Variants in ZNF676 observed in about 807,000 individuals in gnomAD.
ZNF676 encodes the protein zinc finger protein 676.
A neutral mutation model predicts 6.0 loss-of-function variants in ZNF676; 4 were observed. The ratio of observed to expected loss-of-function variants is 0.67; its 90% CI spans 0.33 to 1.53. The LOEUF is 1.53. Ranked by LOEUF, ZNF676 falls within the 40% of genes most tolerant of loss-of-function variation. ZNF676 has a pLI of 0.06. For synonymous variants in ZNF676, 198 were observed against 223.1 expected, an observed-to-expected ratio of 0.89 and a Z score of 1.00; for missense variants, 644 against 679.7, an observed-to-expected ratio of 0.95 and a Z score of 0.58.
the ZNF676 span, among the ~76,000 whole-genome samples, chr19:22,242,651 G>A: frequency 1.3e-5 from 2 of 151,934 alleles, no homozygotes; most frequent in Non-Finnish European, 2.9e-5. Context: ...AGAGATAGAA[G>A]AGTCTTATCA....
At chr19:22,235,875 C>T in the ZNF676 span, among the ~76,000 whole-genome samples, 1 of 151,364 alleles carries the variant, frequency 6.6e-6, no homozygotes. Flanking sequence ...GAGAAAAGGG[C>T]ATTTGCTAAG....
At chr19:22,237,182 CT>C in the ZNF676 span, among the ~76,000 whole-genome samples, 2 of 152,194 alleles carry the variant, frequency 1.3e-5, no homozygotes, top group African/African-American at 4.8e-5. Flanking sequence ...TGATTCCTCC[CT>C]CTACATTAAG....
chr19:22,201,548 C>T (rs1448620286), upstream of ZNF676, among the ~76,000 whole-genome samples: 1 of 151,798 alleles, frequency 6.6e-6, no homozygotes, highest in African/African-American at 2.4e-5. Context: ...AGGAGAGATC[C>T]CCTCTTAGAG....
upstream of ZNF676, among the ~76,000 whole-genome samples, chr19:22,217,858 C>T (rs1165907461): frequency 1.3e-5 from 2 of 151,950 alleles, no homozygotes; most frequent in African/African-American, 2.4e-5. Flanking sequence ...CACACTCCAT[C>T]GCGCCCTGCT....
chr19:22,184,025 A>AC (rs2023796989), intron 2 of ZNF676, among the ~76,000 whole-genome samples: 1 of 152,222 alleles, frequency 6.6e-6, no homozygotes, highest in Non-Finnish European at 1.5e-5. Context: ...ATATTATTAT[A>AC]CCACACTTTC....
the ZNF676 span, among the ~76,000 whole-genome samples, chr19:22,220,960 T>G: frequency 3.9e-5 from 6 of 152,208 alleles, no homozygotes; most frequent in African/African-American, 1.2e-4. Context: ...TGGATCTTCT[T>G]TCTGCTTTTC....
chr19:22,182,668 G>GAA (rs55861617), intron 2 of ZNF676, among the ~76,000 whole-genome samples: 1 of 132,308 alleles, frequency 7.6e-6, no homozygotes, highest in Non-Finnish European at 1.6e-5. Context: ...CTGCCTAAAA[G>GAA]AAAAAAAAAA....
At chr19:22,240,395 G>A in the ZNF676 span, among the ~76,000 whole-genome samples, 1 of 151,932 alleles carries the variant, frequency 6.6e-6, no homozygotes, top group African/African-American at 2.4e-5. Context: ...TAGTTGATGG[G>A]CCCAGAGATA....
chr19:22,200,102 A>T (rs1216346674), upstream of ZNF676, among the ~76,000 whole-genome samples: 2 of 152,126 alleles, frequency 1.3e-5, no homozygotes, highest in Non-Finnish European at 2.9e-5. Flanking sequence ...TCTCTATGGC[A>T]CTGGGGGGTA....
At chr19:22,198,199 T>G (rs186494676), upstream of ZNF676, among the ~76,000 whole-genome samples, 7 of 152,104 alleles carry the variant, frequency 4.6e-5, no homozygotes, top group African/African-American at 7.2e-5. Context: ...TTCCCCAATA[T>G]GAATTTTGAG....
chr19:22,202,837 G>C (rs2024039484), intron 1 of ZNF676, among the ~76,000 whole-genome samples: 2 of 152,198 alleles, frequency 1.3e-5, no homozygotes, highest in Non-Finnish European at 2.9e-5. Flanking sequence ...TTCATGACTA[G>C]AGGTAGTTTT....
chr19:22,234,410 G>A, the ZNF676 span, among the ~76,000 whole-genome samples: 25 of 152,258 alleles, frequency 1.6e-4, no homozygotes, highest in South Asian at 1.9e-3. Context: ...GCTCAAGCCC[G>A]ATCACATATA....
At chr19:22,201,294 T>C (rs2024023394), upstream of ZNF676, among the ~76,000 whole-genome samples, 1 of 152,156 alleles carries the variant, frequency 6.6e-6, no homozygotes, top group African/African-American at 2.4e-5. Context: ...CTCACATAAC[T>C]GGGGCAGGTT....
chr19:22,252,968 G>C, the ZNF676 span, among the ~76,000 whole-genome samples: 4 of 152,268 alleles, frequency 2.6e-5, no homozygotes, highest in South Asian at 8.3e-4. Flanking sequence ...CTTGGTTCTA[G>C]GTATGAGAGG....
At chr19:22,248,132 T>C in the ZNF676 span, among the ~76,000 whole-genome samples, 1 of 152,176 alleles carries the variant, frequency 6.6e-6, no homozygotes, top group Non-Finnish European at 1.5e-5. Context: ...CACATTTTCT[T>C]AATCCAGTCT....
At chr19:22,255,118 T>C in the ZNF676 span, among the ~76,000 whole-genome samples, 20 of 152,308 alleles carry the variant, frequency 1.3e-4, no homozygotes, top group South Asian at 4.1e-4. Context: ...ATCCCTCCCA[T>C]GAACTGTGTT....
chr19:22,229,473 A>G, the ZNF676 span, among the ~76,000 whole-genome samples: 27 of 152,256 alleles, frequency 1.8e-4, no homozygotes, highest in Non-Finnish European at 3.1e-4. Flanking sequence ...CAGCAAAAGC[A>G]ATGGCAACAA....
chr19:22,183,986 C>T (rs1286339095), intron 2 of ZNF676, among the ~76,000 whole-genome samples: 4 of 152,074 alleles, frequency 2.6e-5, no homozygotes, highest in African/African-American at 9.7e-5. Context: ...ATAGAAGAAA[C>T]ACAAGGAGAT....
At chr19:22,258,427 A>G in the ZNF676 span, among the ~76,000 whole-genome samples, 1 of 152,160 alleles carries the variant, frequency 6.6e-6, no homozygotes, top group Non-Finnish European at 1.5e-5. Context: ...GCCCAGTGAT[A>G]TGTCACAATG....
Sources: allele counts gnomAD v4.1 joint callset (sites outside exome capture counted in the v4.1 genomes callset), GRCh38; gene constraint gnomAD v4.1.1; transcripts MANE v1.5; gene names NCBI Gene and HGNC (gene_info 2026-07-23, HGNC 2026-07-21).